LDB2: variants seen among roughly 807,000 people sequenced by gnomAD.
LDB2 encodes the protein LIM domain binding 2, also known as LIM domain-binding protein 2.
Under a neutral mutation model 44.3 loss-of-function variants are expected in LDB2, and 12 were observed. The ratio of observed to expected loss-of-function variants is 0.27; its 90% confidence interval spans 0.17 to 0.44. LDB2 has a LOEUF of 0.44. Ranked by LOEUF, LDB2 falls within the 20% of genes least tolerant of loss-of-function variation. The pLI, the probability that LDB2 is intolerant of heterozygous loss-of-function variation, is 1.00. For missense variants in LDB2, 344 were observed against 473.5 expected, an observed-to-expected ratio of 0.73 and a Z score of 2.54; for synonymous variants, 164 against 174.8, an observed-to-expected ratio of 0.94 and a Z score of 0.49.
chr4:16,697,910 T>TTCA (rs1360820415), intron 2 of LDB2, among the ~76,000 whole-genome samples: 1 of 152,228 alleles, frequency 6.6e-6, no homozygotes, highest in Non-Finnish European at 1.5e-5. Context: ...TAGAAATTTG[T>TTCA]TCACCATGGC....
chr4:16,875,287 G>C (rs1322537999), intron 1 of LDB2, among the ~76,000 whole-genome samples: 1 of 152,178 alleles, frequency 6.6e-6, no homozygotes, highest in Non-Finnish European at 1.5e-5. Flanking sequence ...GTGGTAATCA[G>C]ATAACCTCAT....
At chr4:16,734,107 G>A (rs1183714478) in intron 2 of LDB2, among the ~76,000 whole-genome samples, 1 of 152,126 alleles carries the variant, frequency 6.6e-6, no homozygotes, top group Non-Finnish European at 1.5e-5. Flanking sequence ...ACCTTTTAAA[G>A]TTGTTGGCTG....
chr4:16,676,941 G>C (rs778928939), intron 2 of LDB2, among the ~76,000 whole-genome samples: 1 of 152,164 alleles, frequency 6.6e-6, no homozygotes, highest in Non-Finnish European at 1.5e-5. Context: ...GGTGAGGCCA[G>C]AACAGAGACC....
At chr4:16,699,769 A>T (rs1199579248) in intron 2 of LDB2, among the ~76,000 whole-genome samples, 5 of 152,198 alleles carry the variant, frequency 3.3e-5, no homozygotes, top group African/African-American at 1.2e-4. Flanking sequence ...TCAGATTTTC[A>T]TTGCTCAGTT....
chr4:16,577,223 T>C (rs1361455642), intron 5 of LDB2, among the ~76,000 whole-genome samples: 1 of 152,172 alleles, frequency 6.6e-6, no homozygotes, highest in Non-Finnish European at 1.5e-5. Flanking sequence ...CGGGAAGTCC[T>C]AGCTAGAGTA....
At chr4:16,558,499 A>T (rs1160272750) in intron 5 of LDB2, among the ~76,000 whole-genome samples, 3 of 152,160 alleles carry the variant, frequency 2.0e-5, no homozygotes, top group African/African-American at 7.2e-5. Context: ...GCGAGAAGGG[A>T]AGTTTAGAGA....
At chr4:16,621,539 T>C (rs1239123257) in intron 2 of LDB2, among the ~76,000 whole-genome samples, 1 of 152,184 alleles carries the variant, frequency 6.6e-6, no homozygotes, top group Non-Finnish European at 1.5e-5. Flanking sequence ...TCTATAAACT[T>C]ATTTATTTTA....
chr4:16,612,780 G>A (rs1398912744), intron 2 of LDB2, among the ~76,000 whole-genome samples: 1 of 152,132 alleles, frequency 6.6e-6, no homozygotes, highest in Non-Finnish European at 1.5e-5. Context: ...AATACAAAGA[G>A]GAGTTGTTAC....
intron 1 of LDB2, among the ~76,000 whole-genome samples, chr4:16,776,863 A>G (rs1289835559): frequency 6.6e-6 from 1 of 152,212 alleles, no homozygotes; most frequent in Non-Finnish European, 1.5e-5. Context: ...TGGGCTTCTC[A>G]ACCTCAGCAT....
intron 1 of LDB2, among the ~76,000 whole-genome samples, chr4:16,867,766 C>T (rs116653717): frequency 2.6e-3 from 402 of 152,254 alleles, no homozygotes; most frequent in Non-Finnish European, 4.8e-3. Flanking sequence ...AATCAAATAG[C>T]TGCACTCCAA....
intron 5 of LDB2, among the ~76,000 whole-genome samples, chr4:16,541,403 C>T (rs1733720400): frequency 6.6e-6 from 1 of 152,150 alleles, no homozygotes; most frequent in African/African-American, 2.4e-5. Flanking sequence ...GAGGCCTCCT[C>T]AGAAGCCAAG....
At position 16,606,820 on chromosome 4, in the gene LDB2, C is replaced by T. The variant is rs1400635415; in HGVS notation, c.236-10945G>A. 3.3e-5 allele frequency among the ~76,000 whole-genome samples: 5 copies of T among 152,322 alleles called. No individual in the cohort carries two copies. The East Asian group carries it at 9.7e-4, about 29-fold the overall frequency. On this transcript the variant is annotated intron_variant, in intron 2 of 7. Coordinates refer to ENST00000304523, the MANE Select transcript of LDB2 (RefSeq NM_001290.5). ...ATTATTTCAATATGTTTTATCAGGA[C>T]TTCTCCAACTCAAACCAATGGGGAC...
At chr4:16,665,427 G>T (rs1030795861) in intron 2 of LDB2, among the ~76,000 whole-genome samples, 1 of 151,948 alleles carries the variant, frequency 6.6e-6, no homozygotes, top group East Asian at 1.9e-4. Context: ...CACCACACCC[G>T]ACTAAGTTTT....
At chr4:16,737,617 A>G (rs1427702473) in intron 2 of LDB2, among the ~76,000 whole-genome samples, 1 of 152,236 alleles carries the variant, frequency 6.6e-6, no homozygotes, top group Non-Finnish European at 1.5e-5. Flanking sequence ...AGGCATTAAA[A>G]GGGACATAAA....
chr4:16,543,462 A>G (rs1386125575), intron 5 of LDB2, among the ~76,000 whole-genome samples: 1 of 152,202 alleles, frequency 6.6e-6, no homozygotes, highest in Non-Finnish European at 1.5e-5. Flanking sequence ...AACGATCGCC[A>G]TTCTAACTGA....
At chr4:16,553,540 G>T (rs1044458990) in intron 5 of LDB2, among the ~76,000 whole-genome samples, 1 of 151,958 alleles carries the variant, frequency 6.6e-6, no homozygotes, top group Non-Finnish European at 1.5e-5. Context: ...TGTTGTTGTT[G>T]TTTGTTGTTT....
intron 1 of LDB2, among the ~76,000 whole-genome samples, chr4:16,853,601 T>C (rs1580240733): frequency 6.6e-6 from 1 of 152,172 alleles, no homozygotes; most frequent in South Asian, 2.1e-4. Flanking sequence ...AGAACTAACA[T>C]GTGGCTTAGT....
intron 2 of LDB2, among the ~76,000 whole-genome samples, chr4:16,699,217 A>C (rs1752872748): frequency 6.6e-6 from 1 of 152,216 alleles, no homozygotes; most frequent in African/African-American, 2.4e-5. Context: ...CAGAGCCAAA[A>C]TTGTCTCCTA....
intron 2 of LDB2, among the ~76,000 whole-genome samples, chr4:16,752,814 G>A (rs1765737386): frequency 6.6e-6 from 1 of 151,994 alleles, no homozygotes. Context: ...AGTTATGGAG[G>A]AGCAAAGACT....
Sources: gnomAD v4.1 joint callset for allele counts (sites outside exome capture counted in the v4.1 genomes callset) on GRCh38, gnomAD v4.1.1 for gene constraint, MANE v1.5 for transcripts, NCBI Gene and HGNC (gene_info 2026-07-23, HGNC 2026-07-21) for gene names.